Variants in TIPIN observed in about 807,000 individuals in gnomAD.
TIPIN encodes TIMELESS interacting protein.
TIPIN carries 29 observed loss-of-function variants against 35.6 expected under a neutral mutation model. That is an observed-to-expected ratio of 0.82 (90% CI 0.61 to 1.11). TIPIN has a LOEUF of 1.11. Among genes scored for constraint, TIPIN ranks in the 50% most tolerant of loss-of-function variants. The pLI, the probability that TIPIN is intolerant of heterozygous loss-of-function variation, is 0.00. For missense variants in TIPIN, 296 were observed against 345.4 expected (o/e 0.86, Z 1.13); for synonymous variants, 102 against 121.5 (o/e 0.84, Z 1.06).
intron 1 of TIPIN, among the ~76,000 whole-genome samples, chr15:66,376,505 C>T (rs551245006): frequency 6.6e-5 from 10 of 151,840 alleles, no homozygotes; most frequent in South Asian, 2.1e-4. Context: ...CTCGGCTCAC[C>T]GCAACCTCTG....
chr15:66,352,811 A>C lies in TIPIN; in HGVS notation c.133+4T>G. The C allele has an allele frequency of 1.2e-6, 2 of 1,611,028 alleles. No homozygotes were observed. The highest frequency in any genetic ancestry group is 1.7e-6 in the Non-Finnish European group (2 of 1,179,328). Reference sequence around the variant, plus strand: ...GCCTCCTTTTTAAAACTCTCTATACATACCTTCATCAGGCTCAGTTCCTTC... The same window carrying C: ...GCCTCCTTTTTAAAACTCTCTATACCTACCTTCATCAGGCTCAGTTCCTTC... On this transcript the variant is annotated splice_donor_region_variant and intron_variant, in intron 2 of 7. Coordinates refer to ENST00000261881, the MANE Select transcript of TIPIN (RefSeq NM_017858.3).
At chr15:66,343,407 T>C (rs2093101871) in intron 6 of TIPIN, among the ~76,000 whole-genome samples, 2 of 152,290 alleles carry the variant, frequency 1.3e-5, no homozygotes, top group South Asian at 4.1e-4. Context: ...ATATTATGCC[T>C]TGAAATATTA....
chr15:66,336,644 T>TA lies in TIPIN; in HGVS notation c.*313dup. The TA allele has an allele frequency of 3.2e-6, 1 of 312,134 alleles. No individual in the cohort carries two copies. The highest frequency in any genetic ancestry group is 2.1e-5 in the African/African-American group (1 of 47,358). 19.3% of individuals were successfully genotyped at this position (312,134 alleles called of 1,614,324 possible). A position where few individuals can be genotyped will look rare whatever the true frequency, so the allele number is the denominator to read the frequency against. ...ATTAGCCCTGCTTTGCAAGGAGCAG[T>TA]AAAAAACAGAAACAAAACCTCCCAA... is the stretch of plus-strand genomic sequence containing the variant. On this transcript the variant is annotated 3_prime_UTR_variant, in exon 8 of 8. Coordinates refer to ENST00000261881, the MANE Select transcript of TIPIN (RefSeq NM_017858.3).
rs544656738 is a variant in TIPIN, at chr15:66,338,801, A to G, written c.683-1620T>C. ...TGCACTCCAGCCTGGGTGACAGAGCAAGACTCCGTCTCAAAAAAAAAAAAA... is the reference window on the plus strand; with the variant it reads ...TGCACTCCAGCCTGGGTGACAGAGCGAGACTCCGTCTCAAAAAAAAAAAAA... On this transcript the variant is annotated intron_variant, in intron 7 of 7. Transcript: ENST00000261881. 2.8e-3 allele frequency among the ~76,000 whole-genome samples: 397 copies of G among 140,314 alleles called. 1 individual carries two copies. Among genetic ancestry groups the G allele is most frequent in the African/African-American group, 0.01 (383 of 36,808 alleles). The allele number at this position is 140,314 out of a possible 152,430, so 92.1% of individuals were successfully genotyped here.
chr15:66,348,958 A>G (rs181498996), intron 6 of TIPIN, 102 bp downstream of exon 6: 22 of 923,518 alleles, frequency 2.4e-5, no homozygotes, highest in Non-Finnish European at 1.7e-6. Context: ...ACATGAAACA[A>G]AAAAGCAAAG....
At chr15:66,358,298 ATTAAC>A (rs2140475266), upstream of TIPIN, among the ~76,000 whole-genome samples, 1 of 152,318 alleles carries the variant, frequency 6.6e-6, no homozygotes, top group Non-Finnish European at 1.5e-5. Context: ...ATACAAATGT[ATTAAC>A]TATTCAAAAA....
At chr15:66,353,011 G>A (rs1031583839) in intron 1 of TIPIN, 56 bp from the exon 2 acceptor site, 1 of 1,509,546 alleles carries the variant, frequency 6.6e-7, no homozygotes, top group Non-Finnish European at 8.9e-7. Context: ...CCACTATATA[G>A]ACAAGTTCTA....
chr15:66,356,724 A>G (rs2093206687), upstream of TIPIN: 1 of 985,276 alleles, frequency 1.0e-6, no homozygotes, highest in Admixed American at 6.2e-5. Context: ...TCCTGGGGCG[A>G]GAAGGGCCCG....
intron 1 of TIPIN, among the ~76,000 whole-genome samples, chr15:66,375,781 C>T (rs1211307699): frequency 1.9e-5 from 2 of 104,738 alleles, no homozygotes; most frequent in African/African-American, 2.9e-5. Context: ...TTTGTGCTTA[C>T]GGAAATTTTC....
At chr15:66,362,116 C>T (rs1332697489) in intron 1 of TIPIN, among the ~76,000 whole-genome samples, 2 of 151,988 alleles carry the variant, frequency 1.3e-5, no homozygotes, top group East Asian at 3.9e-4. Flanking sequence ...CCAGCCTGGC[C>T]AACATGGTGA....
intron 6 of TIPIN, among the ~76,000 whole-genome samples, chr15:66,342,810 A>G (rs1444174217): frequency 1.3e-5 from 2 of 152,386 alleles, no homozygotes; most frequent in African/African-American, 2.4e-5. Context: ...TAAGTAATAC[A>G]TTATTAAAGC....
chr15:66,336,885 G>T lies in TIPIN; in HGVS notation c.*73C>A. 1 of 1,333,726 alleles carries T rather than the reference G, an allele frequency of 7.5e-7. No homozygotes were observed. 82.6% of individuals were successfully genotyped at this position (1,333,726 alleles called of 1,614,324 possible). ...TACTATCTAAGGATTTTCACTCCAA[G>T]AAGAAAAAATACATAGTAACGCCAA... On this transcript the variant is annotated 3_prime_UTR_variant, in exon 8 of 8. Coordinates refer to ENST00000261881, the MANE Select transcript of TIPIN (RefSeq NM_017858.3).
chr15:66,379,759 T>C (rs967316378), intron 1 of TIPIN: 2 of 1,605,696 alleles, frequency 1.2e-6, no homozygotes, highest in South Asian at 2.2e-5. Context: ...AGAGCCTCTT[T>C]TTTTTTCTTT....
At chr15:66,359,383 T>C (rs2093221685), upstream of TIPIN, among the ~76,000 whole-genome samples, 1 of 152,106 alleles carries the variant, frequency 6.6e-6, no homozygotes, top group Non-Finnish European at 1.5e-5. Context: ...TCTTATTCTG[T>C]CACCCAGGGT....
In TIPIN at chr15:66,349,094, G is replaced by A. The variant is rs777716272; in HGVS notation, c.441C>T (p.Leu147=). The A allele has an allele frequency of 1.2e-6, 2 of 1,610,492 alleles. No homozygotes were observed. Among genetic ancestry groups the A allele is most frequent in the Admixed American group, 1.7e-5 (1 of 59,964 alleles). ...QTCLKRIRLD[L]PILHEDFVSN... is the part of the protein sequence containing the mutation. ...TAACAAAATCTTCATGTAAAATAGG[G>A]AGATCAAGTCGAATTCGTTTTAAAC... The change falls in exon 6 of 8, where the codon CTC becomes CTT. Residue 147 remains leucine (L), a synonymous_variant. Transcript: ENST00000261881.
At chr15:66,385,181 C>T (rs552099160) in intron 1 of TIPIN, among the ~76,000 whole-genome samples, 5 of 152,310 alleles carry the variant, frequency 3.3e-5, no homozygotes, top group East Asian at 1.9e-4. Context: ...TTGGGCCCTA[C>T]GGCTAAGACT....
intron 6 of TIPIN, among the ~76,000 whole-genome samples, chr15:66,342,186 C>CAAAAAAAAAAAAAAAAAAAAAAAA (rs55711983): frequency 3.7e-5 from 4 of 108,518 alleles, no homozygotes; most frequent in South Asian, 3.1e-4. Flanking sequence ...AAGACTGTCT[C>CAAAAAAAAAAAAAAAAAAAAAAAA]AAAAAAAAAA....
intron 6 of TIPIN, chr15:66,347,275 T>A (rs772408779): frequency 1.9e-6 from 1 of 518,438 alleles, no homozygotes; most frequent in South Asian, 1.4e-5. Flanking sequence ...CCATCTGTTT[T>A]AATGTGTGTG....
intron 3 of TIPIN, among the ~76,000 whole-genome samples, chr15:66,351,816 T>G (rs2093170205): frequency 6.6e-6 from 1 of 152,048 alleles, no homozygotes; most frequent in South Asian, 2.1e-4. Flanking sequence ...ATTTTTTGTA[T>G]TTTTAGTAGA....
Sources: gnomAD v4.1 joint callset for allele counts (sites outside exome capture counted in the v4.1 genomes callset) on GRCh38, gnomAD v4.1.1 for gene constraint, MANE v1.5 for transcripts, NCBI Gene and HGNC (gene_info 2026-07-23, HGNC 2026-07-21) for gene names.